The following KIF11 variants were observed in gnomAD, a reference collection of about 807,000 sequenced individuals.
The protein encoded by KIF11 is kinesin family member 11, also known as kinesin-like protein KIF11.
A neutral mutation model predicts 121.0 loss-of-function variants in KIF11; 9 were observed. The observed-to-expected ratio is 0.07, with a 90% CI of 0.04 to 0.13. KIF11 has a LOEUF of 0.13. Ranked by LOEUF, KIF11 falls within the 10% of genes least tolerant of loss-of-function variation. The pLI is 1.00. For synonymous variants in KIF11, 408 were observed against 421.0 expected (o/e 0.97, Z 0.38); for missense variants, 846 against 1,217.5 (o/e 0.69, Z 4.54).
chr10:92,623,317 A>C (rs17367408), intron 10 of KIF11, among the ~76,000 whole-genome samples: 4,157 of 152,264 alleles, frequency 0.027, 84 homozygotes, highest in Middle Eastern at 0.068. Context: ...GCTTTTATTG[A>C]GGCCCATTGT....
At chr10:92,612,986 C>A in intron 6 of KIF11, 54 bp from the exon 7 acceptor site, 1 of 978,386 alleles carries the variant, frequency 1.0e-6, no homozygotes. Context: ...ATTTCAGAAG[C>A]AGCAAATGCT....
At position 92,613,599 on chromosome 10, in the gene KIF11, C is replaced by G. The variant is rs375213251; in HGVS notation, c.1012C>G (p.Pro338Ala). The change falls in exon 8 of 22, where the codon CCT becomes GCT. Residue 338 changes from proline (P) to alanine (A), a missense_variant. Coordinates refer to ENST00000260731, the MANE Select transcript of KIF11 (RefSeq NM_004523.4). This position sits in a 1 kb window ranked among gnomAD's most constrained non-coding sequence, Gnocchi z 4.2. ...AACATCTATAATTGCAACAATTTCT[C>G]CTGCATCTCTCAATCTTGAGGTAAG... ...TRTSIIATISPASLNLEETLS... is the reference protein window; with the variant it reads ...TRTSIIATISAASLNLEETLS... 6 of 1,612,846 alleles carry G rather than the reference C, an allele frequency of 3.7e-6. No individual in the cohort carries two copies. Among genetic ancestry groups the G allele is most frequent in the African/African-American group, 1.3e-5 (1 of 74,866 alleles).
chr10:92,647,818 A>C (rs1844935981), intron 18 of KIF11, among the ~76,000 whole-genome samples: 1 of 152,060 alleles, frequency 6.6e-6, no homozygotes, highest in Non-Finnish European at 1.5e-5. Flanking sequence ...TGTGTTTTTA[A>C]ATCTTTTATT....
chr10:92,614,456 A>G (rs1432577945), intron 8 of KIF11, among the ~76,000 whole-genome samples: 1 of 152,240 alleles, frequency 6.6e-6, no homozygotes, highest in East Asian at 1.9e-4. Context: ...GAATATATAC[A>G]GGAGGACACT....
Position 92,653,572 on chromosome 10 carries a change from C to T in KIF11, c.3040-93C>T. 4 of 1,240,434 alleles carry T rather than the reference C, an allele frequency of 3.2e-6. 1 individual carries two copies. The highest frequency in any genetic ancestry group is 2.4e-5 in the Admixed American group (1 of 41,050). The allele number at this position is 1,240,434 out of a possible 1,614,324, so 76.8% of individuals were successfully genotyped here. On this transcript the variant is annotated intron_variant, in intron 21 of 21. Coordinates refer to ENST00000260731, the MANE Select transcript of KIF11 (RefSeq NM_004523.4). ...GGTTTTCTACACTTAAGTTTTTTTG[C>T]CTATAACCCAGAGAACTTTGAAAAT...
chr10:92,615,944 A>C (rs994875377), intron 8 of KIF11, among the ~76,000 whole-genome samples: 1 of 149,118 alleles, frequency 6.7e-6, no homozygotes, highest in Admixed American at 6.8e-5. Context: ...GGTTCAAGTG[A>C]TTCTCCTGCC....
At chr10:92,644,805 A>T (rs1844902240) in intron 17 of KIF11, among the ~76,000 whole-genome samples, 1 of 152,242 alleles carries the variant, frequency 6.6e-6, no homozygotes, top group South Asian at 2.1e-4. Context: ...GAAATTATCA[A>T]TGAATTTTAA....
intron 17 of KIF11, among the ~76,000 whole-genome samples, chr10:92,642,969 TG>T (rs1844880967): frequency 1.3e-5 from 2 of 152,238 alleles, no homozygotes; most frequent in South Asian, 4.1e-4. Flanking sequence ...CGGAGTACAG[TG>T]GTGCAATCTT....
At chr10:92,650,085 AC>A (rs1483890200) in intron 20 of KIF11, 99 bp downstream of exon 20, 2 of 848,446 alleles carry the variant, frequency 2.4e-6, no homozygotes, top group African/African-American at 1.7e-5. Flanking sequence ...CCTCAATCTT[AC>A]CCCGCCTCTC....
intron 6 of KIF11, among the ~76,000 whole-genome samples, chr10:92,612,279 G>A (rs1367123072): frequency 6.6e-6 from 1 of 152,018 alleles, no homozygotes; most frequent in Non-Finnish European, 1.5e-5. Flanking sequence ...GGAACTGTAG[G>A]AGCGTGCCAC....
intron 1 of KIF11, among the ~76,000 whole-genome samples, chr10:92,604,460 C>G (rs1436665830): frequency 2.0e-5 from 3 of 152,132 alleles, no homozygotes; most frequent in African/African-American, 7.2e-5. Flanking sequence ...TAAGTTGGTT[C>G]TACCTTAGTT....
intron 17 of KIF11, among the ~76,000 whole-genome samples, chr10:92,643,378 A>G (rs980838483): frequency 6.6e-6 from 1 of 152,166 alleles, no homozygotes; most frequent in African/African-American, 2.4e-5. Context: ...TCCATTATCA[A>G]ATAATTTGCT....
chr10:92,593,257 GCC>G lies in KIF11; in HGVS notation c.-118_-117del. 1 of 1,013,898 alleles carries G rather than the reference GCC, an allele frequency of 9.9e-7. No homozygotes were observed. Among genetic ancestry groups the G allele is most frequent in the African/African-American group, 1.6e-5 (1 of 61,256 alleles). The allele number at this position is 1,013,898 out of a possible 1,614,324, so 62.8% of individuals were successfully genotyped here. On this transcript the variant is annotated 5_prime_UTR_variant, in exon 1 of 22. Coordinates refer to ENST00000260731, the MANE Select transcript of KIF11 (RefSeq NM_004523.4). ...CGACCTGCGTGCGTCGGTCCTCCAG[GCC>G]ACGCCAGCGCCCGAGAGGGACCAGG...
intron 11 of KIF11, among the ~76,000 whole-genome samples, chr10:92,629,147 A>T (rs1196444228): frequency 1.3e-5 from 2 of 151,144 alleles, no homozygotes; most frequent in Non-Finnish European, 3.0e-5. Context: ...TGCCTGGCTA[A>T]TTTTTTTTGT....
At chr10:92,621,330 C>A in intron 9 of KIF11, 55 bp from the exon 10 acceptor site, 2 of 1,055,694 alleles carry the variant, frequency 1.9e-6, no homozygotes, top group South Asian at 1.4e-5. Context: ...CATGTCCTTC[C>A]CAAACTGAAT....
rs149407589 is a variant in KIF11 at position 92,648,269 on chromosome 10, C to T, written c.2605C>T (p.Arg869Cys). The T allele has an allele frequency of 2.3e-5, 37 of 1,613,478 alleles. No individual in the cohort carries two copies. In the Middle Eastern group the frequency reaches 4.9e-4, roughly 22 times the overall value. Residue 869 changes from arginine to cysteine, a missense_variant, in exon 19 of 22, where the codon CGT (arginine) becomes TGT (cysteine). Physicochemically the swap from Arg to Cys is radical, Grantham distance 180 (BLOSUM62 -3). This residue lies in a region of KIF11 where 492 missense variants were observed against 603.4 expected (regional missense o/e 0.82). Coordinates refer to ENST00000260731, the MANE Select transcript of KIF11 (RefSeq NM_004523.4). ...SSDITEKSDGRKAAHEKQHNI... is the reference protein window; with the variant it reads ...SSDITEKSDGCKAAHEKQHNI... ...AGACATCACTGAGAAATCAGATGGA[C>T]GTAAGGCAGCTCATGAGAAACAGCA...
chr10:92,630,330 G>T lies in KIF11; in HGVS notation c.1460G>T (p.Ser487Ile), dbSNP rs780874784. ...GAATATATCACATCAGCTTTGGAAA[G>T]TACTGAGGAGAAACTTCATGATGCT... ...KEEYITSALE[S>I]TEEKLHDAAS... The change falls in exon 12 of 22, where the codon AGT becomes ATT. Residue 487 changes from serine to isoleucine, a missense_variant. Coordinates refer to ENST00000260731, the MANE Select transcript of KIF11 (RefSeq NM_004523.4). 1 of 1,590,930 alleles carries T rather than the reference G, an allele frequency of 6.3e-7. No individual in the cohort carries two copies. The highest frequency in any genetic ancestry group is 1.9e-5 in the Admixed American group (1 of 53,262).
chr10:92,627,107 G>A (rs779339212), intron 10 of KIF11, among the ~76,000 whole-genome samples: 5 of 152,166 alleles, frequency 3.3e-5, no homozygotes, highest in Non-Finnish European at 5.9e-5. Flanking sequence ...TTCATCAAAA[G>A]ACTATTAGAA....
At chr10:92,651,548 T>TTTTTTTTTTGAGAC (rs1844984273) in intron 21 of KIF11, among the ~76,000 whole-genome samples, 2 of 117,108 alleles carry the variant, frequency 1.7e-5, no homozygotes, top group Non-Finnish European at 3.5e-5. Context: ...TTTTTTTTTT[T>TTTTTTTTTTGAGAC]AGTAGAGGGG....
Sources: allele counts gnomAD v4.1 joint callset (sites outside exome capture counted in the v4.1 genomes callset), GRCh38; gene constraint gnomAD v4.1.1; regional missense constraint gnomAD v4.1.1; non-coding constraint Gnocchi (gnomAD v3.1); transcripts MANE v1.5; gene names NCBI Gene and HGNC (gene_info 2026-07-23, HGNC 2026-07-21).